C10orf143: variants seen among roughly 807,000 people sequenced by gnomAD.
C10orf143 encodes chromosome 10 open reading frame 143, also known as uncharacterized protein C10orf143.
At chr10:130,045,509 C>T (rs1860657212) in intron 3 of C10orf143, among the ~76,000 whole-genome samples, 1 of 152,246 alleles carries the variant, frequency 6.6e-6, no homozygotes. Flanking sequence ...CAGCTGCACC[C>T]CCAGGACGCC....
chr10:130,050,001 CA>C (rs1271665053), intron 3 of C10orf143, among the ~76,000 whole-genome samples: 3 of 152,180 alleles, frequency 2.0e-5, no homozygotes, highest in African/African-American at 7.2e-5. Context: ...ATCTCATCTC[CA>C]AGTGTTCTGT....
At chr10:130,059,620 A>G (rs897630689), downstream of C10orf143, among the ~76,000 whole-genome samples, 2 of 152,252 alleles carry the variant, frequency 1.3e-5, no homozygotes, top group Non-Finnish European at 2.9e-5. Flanking sequence ...AAGCTTCTAC[A>G]TCAACTACCA....
chr10:130,062,828 C>T (rs1278301332), downstream of C10orf143, among the ~76,000 whole-genome samples: 1 of 152,190 alleles, frequency 6.6e-6, no homozygotes, highest in Non-Finnish European at 1.5e-5. Flanking sequence ...TCCCTTTCGT[C>T]CTTGTCACCT....
intron 1 of C10orf143, among the ~76,000 whole-genome samples, chr10:130,105,760 C>T (rs941402646): frequency 1.3e-5 from 2 of 151,786 alleles, no homozygotes; most frequent in African/African-American, 2.4e-5. Context: ...CAAAACAAAA[C>T]AAAACTCCCC....
chr10:130,060,630 T>C (rs549045372), downstream of C10orf143, among the ~76,000 whole-genome samples: 53 of 149,088 alleles, frequency 3.6e-4, no homozygotes, highest in East Asian at 5.0e-3. Context: ...GAGACCATCC[T>C]GGCTAACACG....
At chr10:130,079,131 G>A (rs549874345) in intron 3 of C10orf143, among the ~76,000 whole-genome samples, 1 of 152,302 alleles carries the variant, frequency 6.6e-6, no homozygotes, top group South Asian at 2.1e-4. Flanking sequence ...TGTAAACACT[G>A]TGTTTGCTTC....
chr10:130,051,107 C>T (rs756677019), intron 3 of C10orf143, among the ~76,000 whole-genome samples: 48 of 152,140 alleles, frequency 3.2e-4, no homozygotes, highest in Non-Finnish European at 5.6e-4. Flanking sequence ...CAATACATAG[C>T]GAACATCCAT....
At chr10:130,092,478 A>C (rs1448566171) in intron 1 of C10orf143, among the ~76,000 whole-genome samples, 2 of 152,224 alleles carry the variant, frequency 1.3e-5, no homozygotes, top group African/African-American at 4.8e-5. Context: ...AATTGTAAAG[A>C]CCATCGACAG....
intron 1 of C10orf143, chr10:130,108,224 G>A (rs1200099124): frequency 1.9e-6 from 3 of 1,553,516 alleles, no homozygotes; most frequent in South Asian, 1.1e-5. Flanking sequence ...AACCAGGTTT[G>A]GAGCTTCTCG....
chr10:130,102,680 T>C (rs1861576703), intron 1 of C10orf143, among the ~76,000 whole-genome samples: 1 of 152,230 alleles, frequency 6.6e-6, no homozygotes, highest in Non-Finnish European at 1.5e-5. Flanking sequence ...ATTTGCCTAT[T>C]TTTCCTTGCA....
chr10:130,055,959 A>C (rs1860789978), intron 3 of C10orf143, among the ~76,000 whole-genome samples: 1 of 148,542 alleles, frequency 6.7e-6, no homozygotes, highest in Non-Finnish European at 1.5e-5. Context: ...AAGTAAAAAA[A>C]AAAAAAAAAA....
At chr10:130,062,164 C>T (rs1413512978), downstream of C10orf143, among the ~76,000 whole-genome samples, 3 of 152,154 alleles carry the variant, frequency 2.0e-5, no homozygotes, top group Non-Finnish European at 4.4e-5. Context: ...GAAAATGTTG[C>T]CATCCCCCTT....
At chr10:130,097,288 C>T (rs376916947) in intron 1 of C10orf143, among the ~76,000 whole-genome samples, 10 of 152,260 alleles carry the variant, frequency 6.6e-5, no homozygotes, top group South Asian at 4.2e-4. Flanking sequence ...CATGGGCGCT[C>T]ATGCCTGTAA....
At chr10:130,095,747 A>G (rs1861452695) in intron 1 of C10orf143, among the ~76,000 whole-genome samples, 3 of 152,220 alleles carry the variant, frequency 2.0e-5, no homozygotes, top group Admixed American at 1.3e-4. Flanking sequence ...CATATGCAGA[A>G]AACTGAAACT....
At chr10:130,103,582 G>A (rs955160451) in intron 1 of C10orf143, among the ~76,000 whole-genome samples, 3 of 152,108 alleles carry the variant, frequency 2.0e-5, no homozygotes, top group Admixed American at 6.5e-5. Context: ...CAAGGTAGGC[G>A]GATCACTTGA....
chr10:130,076,903 C>T (rs932624974), intron 3 of C10orf143, among the ~76,000 whole-genome samples: 6 of 152,190 alleles, frequency 3.9e-5, no homozygotes, highest in African/African-American at 1.4e-4. Flanking sequence ...GACTTGCAGC[C>T]CCAGACAGCA....
downstream of C10orf143, among the ~76,000 whole-genome samples, chr10:130,062,980 A>G (rs1013846575): frequency 6.8e-5 from 10 of 146,510 alleles, no homozygotes; most frequent in Non-Finnish European, 1.6e-4. Flanking sequence ...CAACCTCCCC[A>G]CCACACAGAT....
intron 1 of C10orf143, among the ~76,000 whole-genome samples, chr10:130,089,055 G>A (rs942675): frequency 0.94 from 142,803 of 152,232 alleles, 67,024 homozygotes; most frequent in African/African-American, 0.96. Flanking sequence ...CTAGCTTGGC[G>A]AAGAGAAGGC....
intron 1 of C10orf143, among the ~76,000 whole-genome samples, chr10:130,110,438 C>T (rs1006301810): frequency 1.3e-5 from 2 of 152,364 alleles, no homozygotes; most frequent in South Asian, 4.1e-4. Flanking sequence ...GGTCTGGAGC[C>T]CCAGTGAGCG....
Sources: allele counts gnomAD v4.1 joint callset (sites outside exome capture counted in the v4.1 genomes callset), GRCh38; gene constraint gnomAD v4.1.1; transcripts MANE v1.5; gene names NCBI Gene and HGNC (gene_info 2026-07-23, HGNC 2026-07-21).